LYZL2: variants seen among roughly 807,000 people sequenced by gnomAD.
LYZL2 encodes the protein lysozyme like 2, also known as lysozyme-like protein 2.
LYZL2 carries 13 observed loss-of-function variants against 17.1 expected under a neutral mutation model. The ratio of observed to expected loss-of-function variants is 0.76; its 90% confidence interval spans 0.49 to 1.21. LYZL2 has a LOEUF of 1.21. Ranked by LOEUF, LYZL2 falls within the 50% of genes most tolerant of loss-of-function variation. LYZL2 has a pLI of 0.00. For synonymous variants in LYZL2, 63 were observed against 74.4 expected, an observed-to-expected ratio of 0.85 and a Z score of 0.79; for missense variants, 166 against 189.2, an observed-to-expected ratio of 0.88 and a Z score of 0.72.
intron 1 of LYZL2, among the ~76,000 whole-genome samples, chr10:30,628,049 G>A (rs1180080786): frequency 2.0e-5 from 3 of 152,148 alleles, no homozygotes; most frequent in South Asian, 2.1e-4. Context: ...AGTCCCAGCT[G>A]CTCGGGAGGC....
chr10:30,609,057 C>T (rs1485979608), downstream of LYZL2, among the ~76,000 whole-genome samples: 1 of 152,184 alleles, frequency 6.6e-6, no homozygotes, highest in African/African-American at 2.4e-5. Context: ...CCAGGCTGGT[C>T]TCCAATTCCT....
rs185525600 is a variant in LYZL2 at position 30,623,327 on chromosome 10, G to T, written c.298+2778C>A. Among the ~76,000 whole-genome samples, 10 of 152,010 alleles carry T rather than the reference G, an allele frequency of 6.6e-5. No individual in the cohort carries two copies. The East Asian group carries it at 1.9e-3, about 29-fold the overall frequency. Reference sequence around the variant, plus strand: ...TTTTTTTTCCAAATGCACATTCACCGTAAGACACATTTGCTGTGCTGTAAA... The same window carrying T: ...TTTTTTTTCCAAATGCACATTCACCTTAAGACACATTTGCTGTGCTGTAAA... On this transcript the variant is annotated intron_variant, in intron 3 of 4. Coordinates refer to ENST00000647634, the MANE Select transcript of LYZL2 (RefSeq NM_183058.3).
intron 3 of LYZL2, among the ~76,000 whole-genome samples, chr10:30,623,650 C>A (rs973884504): frequency 6.6e-6 from 1 of 152,150 alleles, no homozygotes; most frequent in African/African-American, 2.4e-5. Flanking sequence ...CCTGATGATC[C>A]GTCACTGTCT....
In LYZL2 at chr10:30,617,679, A is replaced by AAAAAAAAAAAAAGAAAAAG. The variant is rs1838554125; in HGVS notation, c.299-4780_299-4779insCTTTTTCTTTTTTTTTTTT. Among the ~76,000 whole-genome samples, 12 of 107,024 alleles carry AAAAAAAAAAAAAGAAAAAG rather than the reference A, an allele frequency of 1.1e-4. No individual in the cohort carries two copies. The East Asian group carries it at 1.3e-3, about 12-fold the overall frequency. 70.2% of individuals were successfully genotyped at this position (107,024 alleles called of 152,430 possible). A position where few individuals can be genotyped will look rare whatever the true frequency, so the allele number is the denominator to read the frequency against. On this transcript the variant is annotated intron_variant, in intron 3 of 4. Transcript: ENST00000647634. Reference sequence around the variant, plus strand: ...GACAGAGTGAGACTCTGTCTCAAAAAAAAAAAAAAAAAAAAAAAAGAAAAG... The same window carrying AAAAAAAAAAAAAGAAAAAG: ...GACAGAGTGAGACTCTGTCTCAAAAAAAAAAAAAAAAAGAAAAAGAAAAAAAAAAAAAAAAAAAGAAAAG...
At chr10:30,628,494 C>T (rs1838756121) in intron 1 of LYZL2, among the ~76,000 whole-genome samples, 1 of 152,174 alleles carries the variant, frequency 6.6e-6, no homozygotes, top group Admixed American at 6.5e-5. Context: ...CTGTCTCCTG[C>T]TGCCTACTGA....
At chr10:30,610,211 G>T (rs951359528), downstream of LYZL2, among the ~76,000 whole-genome samples, 9 of 152,182 alleles carry the variant, frequency 5.9e-5, no homozygotes, top group Non-Finnish European at 1.2e-4. Flanking sequence ...TCTGGGCTGG[G>T]TTTGAAAAGC....
rs543226217 is a variant in LYZL2, at chr10:30,617,099, C to A, written c.299-4199G>T. On this transcript the variant is annotated intron_variant, in intron 3 of 4. Coordinates refer to ENST00000647634, the MANE Select transcript of LYZL2 (RefSeq NM_183058.3). ...GGGAGACATGGGTTTGGGGCTGTCT[C>A]TAGGGGTTGGAGAGACACAGTGAGG... Among the ~76,000 whole-genome samples, 179 of 152,116 alleles carry A rather than the reference C, an allele frequency of 1.2e-3. 3 individuals carry two copies. In the South Asian group the frequency reaches 0.036, roughly 31 times the overall value.
Position 30,611,929 on chromosome 10 carries a change from C to T in LYZL2, c.*26G>A, listed in dbSNP as rs1340048513. ...CACTGCAAACCCTAGGGCGTTGCTGCAAAGCATCCTGGGTCCAGTTCCAGT... is the reference window on the plus strand; with the variant it reads ...CACTGCAAACCCTAGGGCGTTGCTGTAAAGCATCCTGGGTCCAGTTCCAGT... On this transcript the variant is annotated 3_prime_UTR_variant, in exon 5 of 5. Transcript: ENST00000647634. 6 of 1,614,134 alleles carry T rather than the reference C, an allele frequency of 3.7e-6. No individual in the cohort carries two copies. In the South Asian group the frequency reaches 5.5e-5, roughly 15 times the overall value.
rs571618749 is a variant in LYZL2, at chr10:30,626,136, C to T, written c.267G>A (p.Lys89=). Residue 89 remains lysine, a synonymous_variant, in exon 3 of 5, where the codon AAG becomes AAA. Coordinates refer to ENST00000647634, the MANE Select transcript of LYZL2 (RefSeq NM_183058.3). ...SFAWCRRGKL[K]ENNHCHVACS... Reference sequence around the variant, plus strand: ...AGGCGACGTGGCAGTGGTTGTTCTCCTTCAGCTTTCCGCGTCTGCACCACG... The same window carrying T: ...AGGCGACGTGGCAGTGGTTGTTCTCTTTCAGCTTTCCGCGTCTGCACCACG... The T allele has an allele frequency of 2.2e-5, 35 of 1,614,136 alleles. No homozygotes were observed. Among genetic ancestry groups the T allele is most frequent in the Non-Finnish European group, 2.8e-5 (33 of 1,180,046 alleles).
chr10:30,614,794 A>G (rs955840624), intron 3 of LYZL2, among the ~76,000 whole-genome samples: 1 of 152,212 alleles, frequency 6.6e-6, no homozygotes, highest in Non-Finnish European at 1.5e-5. Context: ...CGAGGTTTTT[A>G]TCCTTTCACC....
At position 30,629,749 on chromosome 10, in the gene LYZL2, T is replaced by C. The variant is rs765947910; in HGVS notation, c.-182A>G. 4 of 1,566,626 alleles carry C rather than the reference T, an allele frequency of 2.6e-6. No individual in the cohort carries two copies. The Admixed American group carries it at 5.6e-5, about 22-fold the overall frequency. On this transcript the variant is annotated 5_prime_UTR_variant, in exon 1 of 5. Transcript: ENST00000647634. Reference sequence around the variant, plus strand: ...ATTCTAACAAGGCTCGAGTAATCCTTTCCTAGCTCAAGAACCTTTCTTTAG... The same window carrying C: ...ATTCTAACAAGGCTCGAGTAATCCTCTCCTAGCTCAAGAACCTTTCTTTAG...
intron 3 of LYZL2, among the ~76,000 whole-genome samples, chr10:30,618,271 A>G (rs1838566652): frequency 6.6e-6 from 1 of 152,214 alleles, no homozygotes; most frequent in African/African-American, 2.4e-5. Flanking sequence ...TATAGATTCA[A>G]TGCCATCCCC....
downstream of LYZL2, among the ~76,000 whole-genome samples, chr10:30,609,036 C>T (rs886181259): frequency 1.3e-5 from 2 of 152,092 alleles, no homozygotes; most frequent in African/African-American, 2.4e-5. Flanking sequence ...GATGGGGTCT[C>T]ATTGTGCTGC....
In LYZL2 at chr10:30,612,974, A is replaced by AT. The variant is rs1401037895; in HGVS notation, c.299-75dup. 35 of 1,159,034 alleles carry AT rather than the reference A, an allele frequency of 3.0e-5. No individual in the cohort carries two copies. In the Admixed American group the frequency reaches 4.1e-4, roughly 14 times the overall value. The allele number at this position is 1,159,034 out of a possible 1,614,324, so 71.8% of individuals were successfully genotyped here. ...AGGGACCCCAACTCAAGTTTACTTC[A>AT]TTTTTCTCAGTCTTTTTGGGATGGG... On this transcript the variant is annotated intron_variant, in intron 3 of 4. Coordinates refer to ENST00000647634, the MANE Select transcript of LYZL2 (RefSeq NM_183058.3).
chr10:30,615,138 A>G (rs77674275), intron 3 of LYZL2, among the ~76,000 whole-genome samples: 1 of 152,194 alleles, frequency 6.6e-6, no homozygotes, highest in Non-Finnish European at 1.5e-5. Flanking sequence ...TTAAATTAAA[A>G]TTATATTTGT....
intron 3 of LYZL2, among the ~76,000 whole-genome samples, chr10:30,620,434 C>G (rs1278509590): frequency 6.6e-6 from 1 of 152,256 alleles, no homozygotes; most frequent in Non-Finnish European, 1.5e-5. Flanking sequence ...TCAGGGTGTA[C>G]TGTCTATTCT....
chr10:30,627,268 A>G (rs1838729210), intron 1 of LYZL2, among the ~76,000 whole-genome samples: 2 of 152,144 alleles, frequency 1.3e-5, no homozygotes, highest in African/African-American at 2.4e-5. Flanking sequence ...TGAATGAAAA[A>G]TAGAATACAG....
At chr10:30,617,502 C>G (rs1838547026) in intron 3 of LYZL2, among the ~76,000 whole-genome samples, 1 of 151,714 alleles carries the variant, frequency 6.6e-6, no homozygotes, top group Non-Finnish European at 1.5e-5. Context: ...ATGGCAAAAC[C>G]TGTCTCTACT....
At chr10:30,611,750 A>G (rs60735155), downstream of LYZL2, 81,219 of 639,576 alleles carry the variant, frequency 0.13, 5,934 homozygotes, top group East Asian at 0.23. Context: ...AGAAAGAAAG[A>G]AAGGAAAGAA....
Sources: gnomAD v4.1 joint callset for allele counts (sites outside exome capture counted in the v4.1 genomes callset) on GRCh38, gnomAD v4.1.1 for gene constraint, MANE v1.5 for transcripts, NCBI Gene and HGNC (gene_info 2026-07-23, HGNC 2026-07-21) for gene names.